Variants in CCNY observed in about 807,000 individuals in gnomAD.
The protein encoded by CCNY is cyclin-Y.
Under a neutral mutation model 42.8 loss-of-function variants are expected in CCNY, and 19 were observed. That is an observed-to-expected ratio of 0.44 (90% confidence interval 0.31 to 0.65). CCNY has a LOEUF of 0.65. Ranked by LOEUF, CCNY falls within the 30% of genes least tolerant of loss-of-function variation. CCNY has a pLI of 0.07. For missense variants in CCNY, 370 were observed against 437.3 expected, an observed-to-expected ratio of 0.85 and a Z score of 1.37; for synonymous variants, 165 against 162.7, an observed-to-expected ratio of 1.01 and a Z score of -0.11.
chr10:35,550,829 C>A (rs1007886849), intron 7 of CCNY, among the ~76,000 whole-genome samples: 19 of 152,082 alleles, frequency 1.2e-4, no homozygotes, highest in African/African-American at 4.6e-4. Flanking sequence ...ATGGAAGGGG[C>A]CCTCCAGTCT....
intron 7 of CCNY, among the ~76,000 whole-genome samples, chr10:35,533,595 T>C (rs1840816293): frequency 6.6e-6 from 1 of 152,132 alleles, no homozygotes; most frequent in Non-Finnish European, 1.5e-5. Flanking sequence ...CCTCCCCATC[T>C]TTGCTCAAAG....
At chr10:35,283,394 G>A (rs531248766) in intron 3 of CCNY, among the ~76,000 whole-genome samples, 3 of 151,886 alleles carry the variant, frequency 2.0e-5, no homozygotes, top group Non-Finnish European at 4.4e-5. Context: ...TTGTACAAGT[G>A]TAAGGACAGT....
At chr10:35,321,092 G>A (rs1835816027) in intron 3 of CCNY, 1 of 147,520 alleles carries the variant, frequency 6.8e-6, no homozygotes, top group Non-Finnish European at 1.5e-5. Flanking sequence ...CTCCAGTCTG[G>A]GTGACAGAGT....
chr10:35,438,671 A>G (rs1838597086), intron 1 of CCNY, among the ~76,000 whole-genome samples: 1 of 152,210 alleles, frequency 6.6e-6, no homozygotes, highest in South Asian at 2.1e-4. Context: ...ACATTGTTAC[A>G]CTGTTTGCTT....
chr10:35,508,003 C>CTGTT (rs778253747), intron 3 of CCNY, among the ~76,000 whole-genome samples: 3 of 152,162 alleles, frequency 2.0e-5, no homozygotes, highest in Non-Finnish European at 4.4e-5. Flanking sequence ...CCTCCACTGT[C>CTGTT]TGTTTACTCG....
intron 1 of CCNY, among the ~76,000 whole-genome samples, chr10:35,467,108 G>A (rs1011648521): frequency 5.9e-5 from 9 of 152,166 alleles, no homozygotes; most frequent in African/African-American, 2.2e-4. Context: ...TTGACACAGG[G>A]CAGGGTATGT....
At chr10:35,534,125 G>C (rs1357938537) in intron 7 of CCNY, among the ~76,000 whole-genome samples, 1 of 151,716 alleles carries the variant, frequency 6.6e-6, no homozygotes, top group East Asian at 1.9e-4. Flanking sequence ...AGTTTCAAAC[G>C]ATTCTCCTGC....
At chr10:35,497,462 G>A (rs1368602352) in intron 2 of CCNY, among the ~76,000 whole-genome samples, 1 of 152,156 alleles carries the variant, frequency 6.6e-6, no homozygotes, top group Non-Finnish European at 1.5e-5. Flanking sequence ...TTATCACTGG[G>A]TGTGGTGGTT....
intron 1 of CCNY, among the ~76,000 whole-genome samples, chr10:35,381,557 C>A (rs1357960165): frequency 6.8e-6 from 1 of 147,414 alleles, no homozygotes; most frequent in Non-Finnish European, 1.5e-5. Context: ...CAGAGTGAGA[C>A]TCCGTCTCAA....
intron 1 of CCNY, among the ~76,000 whole-genome samples, chr10:35,444,197 G>A (rs1468805239): frequency 6.7e-6 from 1 of 149,668 alleles, no homozygotes; most frequent in Non-Finnish European, 1.5e-5. Flanking sequence ...CCTTCTTCTG[G>A]TACCTCCTGC....
intron 3 of CCNY, among the ~76,000 whole-genome samples, chr10:35,312,492 C>T (rs1835699158): frequency 6.6e-6 from 1 of 151,868 alleles, no homozygotes; most frequent in African/African-American, 2.4e-5. Flanking sequence ...TGCCCTCACA[C>T]CCAATTCAGG....
chr10:35,511,120 G>A (rs1386064495), intron 3 of CCNY, among the ~76,000 whole-genome samples: 4 of 152,184 alleles, frequency 2.6e-5, no homozygotes, highest in East Asian at 3.8e-4. Flanking sequence ...CCTTTCTGCC[G>A]TAACACAGCT....
At chr10:35,433,526 GAT>G (rs1469473553) in intron 1 of CCNY, among the ~76,000 whole-genome samples, 1 of 152,182 alleles carries the variant, frequency 6.6e-6, no homozygotes, top group Non-Finnish European at 1.5e-5. Flanking sequence ...AGAAAAATTA[GAT>G]ATGTTAGTTA....
intron 1 of CCNY, among the ~76,000 whole-genome samples, chr10:35,426,951 T>C (rs1838286334): frequency 1.3e-5 from 2 of 152,242 alleles, no homozygotes; most frequent in East Asian, 3.8e-4. Flanking sequence ...TTTGTGCCTC[T>C]GGGCTCCCTG....
chr10:35,390,127 T>C (rs1478968908), intron 1 of CCNY, among the ~76,000 whole-genome samples: 2 of 152,248 alleles, frequency 1.3e-5, no homozygotes, highest in East Asian at 3.8e-4. Context: ...GCATACAAAT[T>C]AAATAAGCAC....
At chr10:35,540,564 C>CTTTTTTTTTTTTTTTTTTTTTTTTTTTT (rs561129843) in intron 7 of CCNY, among the ~76,000 whole-genome samples, 1 of 144,806 alleles carries the variant, frequency 6.9e-6, no homozygotes, top group African/African-American at 2.5e-5. Context: ...ATTCCTTCTA[C>CTTTTTTTTTTTTTTTTTTTTTTTTTTTT]TTTTTTTTTT....
upstream of CCNY, chr10:35,336,455 C>CGGGGCG (rs1564372076): frequency 6.6e-6 from 1 of 151,520 alleles, no homozygotes; most frequent in Non-Finnish European, 1.5e-5. Flanking sequence ...GGTGACGGGG[C>CGGGGCG]GGGGCGGGGG....
chr10:35,280,702 G>T (rs1409621028), intron 3 of CCNY, among the ~76,000 whole-genome samples: 1 of 152,278 alleles, frequency 6.6e-6, no homozygotes, highest in Middle Eastern at 3.4e-3. Context: ...CAGCTTCTGA[G>T]ATATGACACT....
At chr10:35,461,739 G>T (rs573148032) in intron 1 of CCNY, among the ~76,000 whole-genome samples, 7 of 152,234 alleles carry the variant, frequency 4.6e-5, no homozygotes, top group African/African-American at 1.7e-4. Context: ...AGTGTTCATG[G>T]CTTCTATGTG....
Sources: gnomAD v4.1 joint callset for allele counts (sites outside exome capture counted in the v4.1 genomes callset) on GRCh38, gnomAD v4.1.1 for gene constraint, MANE v1.5 for transcripts, NCBI Gene and HGNC (gene_info 2026-07-23, HGNC 2026-07-21) for gene names.